The following TRIM14 variants were observed in gnomAD, a reference collection of about 807,000 sequenced individuals.
TRIM14 encodes tripartite motif-containing protein 14.
TRIM14 carries 28 observed loss-of-function variants against 44.5 expected under a neutral mutation model. That is an observed-to-expected ratio of 0.63 (90% CI 0.47 to 0.86). The LOEUF (loss-of-function observed/expected upper bound fraction) is 0.86, where lower values mean the gene tolerates loss of function less well. Ranked by LOEUF, TRIM14 falls within the 40% of genes least tolerant of loss-of-function variation. The pLI, the probability that TRIM14 is intolerant of heterozygous loss-of-function variation, is 0.00. For synonymous variants in TRIM14, 299 were observed against 269.2 expected (o/e 1.11, Z -1.08); for missense variants, 607 against 611.1 (o/e 0.99, Z 0.07).
At chr9:98,116,746 A>G (rs1398667532) in intron 1 of TRIM14, among the ~76,000 whole-genome samples, 3 of 151,822 alleles carry the variant, frequency 2.0e-5, no homozygotes, top group Non-Finnish European at 4.4e-5. Context: ...TGGGAGGCCA[A>G]GGTAGGAGGA....
chr9:98,085,215 G>A lies in TRIM14; in HGVS notation c.*2255C>T, dbSNP rs979763844. On this transcript the variant is annotated 3_prime_UTR_variant, in exon 6 of 6. Transcript: ENST00000341469. Reference sequence around the variant, plus strand: ...ATCATGGGCAGTAGCTCCACGAGAGGGGCCAGAGCACCAGGCACTGGCCAG... The same window carrying A: ...ATCATGGGCAGTAGCTCCACGAGAGAGGCCAGAGCACCAGGCACTGGCCAG... 2.6e-5 allele frequency: 4 copies of A among 152,244 alleles called. No individual in the cohort carries two copies. The highest frequency in any genetic ancestry group is 9.7e-5 in the African/African-American group (4 of 41,408). The allele number at this position is 152,244 out of a possible 1,614,324, so 9.4% of individuals were successfully genotyped here.
the TRIM14 span, among the ~76,000 whole-genome samples, chr9:98,039,476 ACCT>A: frequency 6.6e-6 from 1 of 152,060 alleles, no homozygotes; most frequent in Non-Finnish European, 1.5e-5. Flanking sequence ...CCCAAAGCAG[ACCT>A]CCTTCTTGCC....
intron 5 of TRIM14, 45 bp from the exon 6 acceptor site, chr9:98,088,050 C>T (rs112440826): frequency 7.1e-7 from 1 of 1,403,506 alleles, no homozygotes; most frequent in Admixed American, 3.6e-5. Context: ...GCGGGGCCAG[C>T]GCGGCGCCCC....
intron 6 of TRIM14, among the ~76,000 whole-genome samples, chr9:98,071,625 G>C (rs1829341739): frequency 6.6e-6 from 1 of 152,202 alleles, no homozygotes; most frequent in African/African-American, 2.4e-5. Context: ...GGACATCTGG[G>C]TACTTGTCCT....
chr9:98,053,274 A>G, the TRIM14 span, among the ~76,000 whole-genome samples: 14 of 152,352 alleles, frequency 9.2e-5, no homozygotes, highest in East Asian at 2.7e-3. Flanking sequence ...AGGGCTACCT[A>G]TGACATGAAC....
At chr9:98,059,032 T>A in the TRIM14 span, among the ~76,000 whole-genome samples, 1 of 152,050 alleles carries the variant, frequency 6.6e-6, no homozygotes, top group African/African-American at 2.4e-5. Flanking sequence ...AGTTTTTATT[T>A]TTTTTTTTCA....
intron 3 of TRIM14, among the ~76,000 whole-genome samples, chr9:98,099,503 TC>T (rs1261290801): frequency 6.8e-6 from 1 of 146,398 alleles, no homozygotes; most frequent in African/African-American, 2.5e-5. Flanking sequence ...CCAGGCAGGG[TC>T]CCTTGTGGGT....
intron 3 of TRIM14, among the ~76,000 whole-genome samples, chr9:98,099,452 CAAAAAAAAAAAA>C (rs768209860): frequency 2.7e-5 from 1 of 36,834 alleles, no homozygotes; most frequent in East Asian, 7.7e-4. Flanking sequence ...AACTCCATCT[CAAAAAAAAAAAA>C]AAAAAAAAAA....
chr9:98,085,096 C>T lies in TRIM14; in HGVS notation c.*2374G>A, dbSNP rs1202982425. 3 of 152,184 alleles carry T rather than the reference C, an allele frequency of 2.0e-5. No individual in the cohort carries two copies. The highest frequency in any genetic ancestry group is 6.5e-5 in the Admixed American group (1 of 15,276). 9.4% of individuals were successfully genotyped at this position (152,184 alleles called of 1,614,324 possible). On this transcript the variant is annotated 3_prime_UTR_variant, in exon 6 of 6. Coordinates refer to ENST00000341469, the MANE Select transcript of TRIM14 (RefSeq NM_014788.4). ...GAATCCCAAATTTTTGAATCAAGTTCCCCTCTGGGCCATAAGGCCTCATCT... is the reference window on the plus strand; with the variant it reads ...GAATCCCAAATTTTTGAATCAAGTTTCCCTCTGGGCCATAAGGCCTCATCT...
At chr9:98,108,522 G>T (rs1265929970) in intron 2 of TRIM14, among the ~76,000 whole-genome samples, 1 of 152,102 alleles carries the variant, frequency 6.6e-6, no homozygotes, top group Non-Finnish European at 1.5e-5. Flanking sequence ...ATTCTTGGGG[G>T]CCCTCAAACC....
At chr9:98,069,668 G>A (rs1829254106) in exon 7 of TRIM14, 1 of 152,256 alleles carries the variant, frequency 6.6e-6, no homozygotes, top group African/African-American at 2.4e-5. Context: ...CATACTGTAC[G>A]ATTCTGCTTC....
intron 3 of TRIM14, among the ~76,000 whole-genome samples, chr9:98,097,558 G>C (rs1826231045): frequency 6.6e-6 from 1 of 152,126 alleles, no homozygotes; most frequent in Non-Finnish European, 1.5e-5. Context: ...AATTTTGCTA[G>C]CTTCATATTT....
Position 98,119,047 on chromosome 9 carries a change from G to A in TRIM14, c.142C>T (p.Pro48Ser). 2 of 1,578,954 alleles carry A rather than the reference G, an allele frequency of 1.3e-6. No individual in the cohort carries two copies. The highest frequency in any genetic ancestry group is 1.7e-6 in the Non-Finnish European group (2 of 1,172,176). The change falls in exon 1 of 6, where the codon CCG (proline) becomes TCG (serine). Residue 48 changes from proline (P) to serine (S), a missense_variant. Coordinates refer to ENST00000341469, the MANE Select transcript of TRIM14 (RefSeq NM_014788.4). ...RCRRCVCALC[P>S]VLGAHRGHPV... Reference sequence around the variant, plus strand: ...TGGCCACGGTGCGCGCCCAGCACCGGGCAAAGCGCGCACACGCAGCGGCGG... The same window carrying A: ...TGGCCACGGTGCGCGCCCAGCACCGAGCAAAGCGCGCACACGCAGCGGCGG...
At chr9:98,064,364 G>T (rs890360243), downstream of TRIM14, among the ~76,000 whole-genome samples, 2 of 151,458 alleles carry the variant, frequency 1.3e-5, no homozygotes, top group South Asian at 4.2e-4. Context: ...AGTTATTCTC[G>T]TGCCTCAGCC....
intron 3 of TRIM14, among the ~76,000 whole-genome samples, chr9:98,098,420 G>A (rs1277313521): frequency 2.0e-5 from 3 of 152,124 alleles, no homozygotes; most frequent in African/African-American, 4.8e-5. Flanking sequence ...CTAAAGACAG[G>A]AACACCATCG....
the TRIM14 span, among the ~76,000 whole-genome samples, chr9:98,052,252 C>T: frequency 6.6e-6 from 1 of 151,808 alleles, no homozygotes; most frequent in Non-Finnish European, 1.5e-5. Context: ...CCAGGAGTCC[C>T]AGGCTGTTAG....
intron 2 of TRIM14, among the ~76,000 whole-genome samples, chr9:98,101,449 A>G (rs1826388230): frequency 6.7e-6 from 1 of 149,190 alleles, no homozygotes; most frequent in Admixed American, 6.7e-5. Flanking sequence ...TTTTCAGACG[A>G]AGTTTTGCTC....
chr9:98,078,784 G>A (rs1040310370), intron 6 of TRIM14, among the ~76,000 whole-genome samples: 2 of 147,792 alleles, frequency 1.4e-5, no homozygotes, highest in Admixed American at 6.9e-5. Context: ...GCAGTGAGCC[G>A]AGATTGCACC....
At chr9:98,065,694 C>T (rs1829128177), downstream of TRIM14, among the ~76,000 whole-genome samples, 1 of 151,232 alleles carries the variant, frequency 6.6e-6, no homozygotes, top group South Asian at 2.1e-4. Context: ...TGTGTCTCCA[C>T]CGAAATCTCA....
Sources: gnomAD v4.1 joint callset for allele counts (sites outside exome capture counted in the v4.1 genomes callset) on GRCh38, gnomAD v4.1.1 for gene constraint, MANE v1.5 for transcripts, NCBI Gene and HGNC (gene_info 2026-07-23, HGNC 2026-07-21) for gene names.